The following DLG4 variants were observed in gnomAD, a reference collection of about 807,000 sequenced individuals.
The protein encoded by DLG4 is disks large homolog 4.
In DLG4, 7 loss-of-function variants were observed where a neutral mutation model predicts 93.8. The observed-to-expected ratio is 0.07, with a 90% CI of 0.04 to 0.14. The LOEUF is 0.14. Among genes scored for constraint, DLG4 ranks in the 10% least tolerant of loss-of-function variants. The pLI, the probability that DLG4 is intolerant of heterozygous loss-of-function variation, is 1.00. For missense variants in DLG4, 545 were observed against 992.9 expected, an observed-to-expected ratio of 0.55 and a Z score of 6.06; for synonymous variants, 341 against 387.6, an observed-to-expected ratio of 0.88 and a Z score of 1.41.
upstream of DLG4, chr17:7,217,751 G>A: frequency 6.5e-7 from 1 of 1,535,350 alleles, no homozygotes; most frequent in South Asian, 1.2e-5. Context: ...AGAAGCAGAA[G>A]CACAGAGGCC....
chr17:7,215,730 C>T (rs866289000), intron 1 of DLG4, among the ~76,000 whole-genome samples: 5 of 152,302 alleles, frequency 3.3e-5, no homozygotes, highest in South Asian at 2.1e-4. Context: ...CATCCTCACA[C>T]GTGCACAATG....
chr17:7,210,234 C>T (rs2142912660), intron 1 of DLG4, among the ~76,000 whole-genome samples: 1 of 152,240 alleles, frequency 6.6e-6, no homozygotes, highest in Admixed American at 6.5e-5. Flanking sequence ...TATAACACAA[C>T]TTTGGCTGTA....
chr17:7,218,214 G>T, upstream of DLG4: 17 of 1,599,318 alleles, frequency 1.1e-5, no homozygotes, highest in Non-Finnish European at 1.5e-5. Context: ...CCCTCAGGAA[G>T]TTAGGCGCTC....
intron 2 of DLG4, among the ~76,000 whole-genome samples, chr17:7,207,720 C>T (rs1041914382): frequency 6.6e-6 from 1 of 151,042 alleles, no homozygotes; most frequent in Non-Finnish European, 1.5e-5. Flanking sequence ...GGCACACAAA[C>T]GGCGCACGCA....
chr17:7,196,718 G>A lies in DLG4; in HGVS notation c.1083+39C>T, dbSNP rs1164975089. ...CAAGAGCTCTGCGCTCTGCCCTGTG[G>A]GGAGGGGGTGGTGCAGGTAGGGGCA... is the stretch of plus-strand genomic sequence containing the variant. On this transcript the variant is annotated intron_variant, in intron 9 of 19. Transcript: ENST00000399506. This position sits in a 1 kb window ranked among gnomAD's most constrained non-coding sequence, Gnocchi z 8.3. The A allele has an allele frequency of 6.3e-7, 1 of 1,584,544 alleles. No homozygotes were observed. Among genetic ancestry groups the A allele is most frequent in the Non-Finnish European group, 8.6e-7 (1 of 1,165,458 alleles).
intron 1 of DLG4, chr17:7,211,642 A>T: frequency 1.0e-6 from 1 of 980,100 alleles, no homozygotes. Flanking sequence ...GCCGGAGCCC[A>T]TACCGCGGCA....
In DLG4 at chr17:7,193,642, G is replaced by A; in HGVS notation, c.1591+25C>T. 1 of 1,536,134 alleles carries A rather than the reference G, an allele frequency of 6.5e-7. No homozygotes were observed. The highest frequency in any genetic ancestry group is 8.7e-7 in the Non-Finnish European group (1 of 1,143,374). ...GGGTTGGGGGAGCAGCAAGTGCTGG[G>A]GCCAAGGCAGGGGCCAGGGCTCACC... On this transcript the variant is annotated intron_variant, in intron 15 of 19. Transcript: ENST00000399506. This position sits in a 1 kb window ranked among gnomAD's most constrained non-coding sequence, Gnocchi z 6.7.
chr17:7,190,586 A>C lies in DLG4; in HGVS notation c.*122T>G. 1 of 734,940 alleles carries C rather than the reference A, an allele frequency of 1.4e-6. No homozygotes were observed. The highest frequency in any genetic ancestry group is 2.4e-6 in the Non-Finnish European group (1 of 418,252). 45.5% of individuals were successfully genotyped at this position (734,940 alleles called of 1,614,324 possible). A position where few individuals can be genotyped will look rare whatever the true frequency, so the allele number is the denominator to read the frequency against. ...TCCAACAGGCTGGATCCAGTTAGAA[A>C]GGAAATAAATAAGAAGGGGTGGGAG... On this transcript the variant is annotated 3_prime_UTR_variant, in exon 20 of 20. Coordinates refer to ENST00000399506, the MANE Select transcript of DLG4 (RefSeq NM_001321075.3).
chr17:7,192,244 A>C, intron 17 of DLG4: 1 of 418,782 alleles, frequency 2.4e-6, no homozygotes, highest in Non-Finnish European at 4.2e-6. Context: ...ACAGGACAGA[A>C]TGGAGGAAGG....
chr17:7,202,737 G>T, intron 8 of DLG4, 166 bp downstream of exon 8: 2 of 853,280 alleles, frequency 2.3e-6, no homozygotes, highest in South Asian at 4.2e-5. Flanking sequence ...GTTCTTTTAT[G>T]GTAATTGATT....
In DLG4 at chr17:7,195,902, G is replaced by A. The variant is rs1284429233; in HGVS notation, c.1301+318C>T. Among the ~76,000 whole-genome samples, 1 of 152,226 alleles carries A rather than the reference G, an allele frequency of 6.6e-6. No individual in the cohort carries two copies. Among genetic ancestry groups the A allele is most frequent in the Non-Finnish European group, 1.5e-5 (1 of 68,050 alleles). On this transcript the variant is annotated intron_variant, in intron 11 of 19. Coordinates refer to ENST00000399506, the MANE Select transcript of DLG4 (RefSeq NM_001321075.3). The surrounding 1 kb of genome is among the most constrained non-coding windows in gnomAD (Gnocchi z 4.3). ...CTGGGGCAACACTCCAAATACCCTA[G>A]AGGACCCTGCTTCACCAAGCATTAA...
Position 7,204,038 on chromosome 17 carries a change from C to G in DLG4, c.180G>C (p.Glu60Asp), listed in dbSNP as rs1451040768. ...YELQVNGTEG[E>D]MEYEEITLER... The stretch of plus-strand genomic sequence containing the variant: ...CCAATGTGATTTCCTCGTATTCCAT[C>G]TCCCCCTCGGTCCCGTTCACCTGCA... Residue 60 changes from glutamate to aspartate, a missense_variant, in exon 4 of 20, where the codon GAG (glutamate) becomes GAC (aspartate). Physicochemically the swap from Glu to Asp is conservative, Grantham distance 45 (BLOSUM62 2). Transcript: ENST00000399506. 1 of 1,610,746 alleles carries G rather than the reference C, an allele frequency of 6.2e-7. No individual in the cohort carries two copies. Among genetic ancestry groups the G allele is most frequent in the African/African-American group, 1.3e-5 (1 of 74,842 alleles).
upstream of DLG4, chr17:7,218,753 T>G (rs112144905): frequency 1.1e-5 from 18 of 1,591,660 alleles, no homozygotes; most frequent in Middle Eastern, 1.7e-4. Context: ...ACGGAAAGAT[T>G]TGGGGAGAAG....
At chr17:7,198,588 G>A (rs561241793) in intron 8 of DLG4, among the ~76,000 whole-genome samples, 16 of 151,660 alleles carry the variant, frequency 1.1e-4, no homozygotes, top group African/African-American at 3.1e-4. Context: ...AGTGGCTCAC[G>A]CCTGTAATCC....
chr17:7,191,260 G>T lies in DLG4; in HGVS notation c.2068+7C>A. ...ACATGCTGGCAACAGCCTTGCTGTG[G>T]CCTCACCTGAGAAGCACTCTGTGAA... is the stretch of plus-strand genomic sequence containing the variant. On this transcript the variant is annotated splice_region_variant and intron_variant, in intron 19 of 19. Coordinates refer to ENST00000399506, the MANE Select transcript of DLG4 (RefSeq NM_001321075.3). This position sits in a 1 kb window ranked among gnomAD's most constrained non-coding sequence, Gnocchi z 6.6. 3.7e-6 allele frequency: 6 copies of T among 1,613,644 alleles called. No individual in the cohort carries two copies. The highest frequency in any genetic ancestry group is 5.1e-6 in the Non-Finnish European group (6 of 1,179,688).
rs182602691 is a variant in DLG4, at chr17:7,204,867, G to A, written c.97-615C>T. The A allele has an allele frequency of 6.9e-4, 605 of 877,984 alleles. 5 individuals are homozygous for A. In the African/African-American group the frequency reaches 0.01, roughly 15 times the overall value. The allele number at this position is 877,984 out of a possible 1,614,324, so 54.4% of individuals were successfully genotyped here. On this transcript the variant is annotated intron_variant, in intron 2 of 19. Transcript: ENST00000399506. ...CCTCCCTCGGTCTCACCAACCAGCCGTCCAATCCACCCCTTCCTCTAAGGA... is the reference window on the plus strand; with the variant it reads ...CCTCCCTCGGTCTCACCAACCAGCCATCCAATCCACCCCTTCCTCTAAGGA...
chr17:7,206,817 C>G (rs1282967159), intron 2 of DLG4, among the ~76,000 whole-genome samples: 1 of 152,116 alleles, frequency 6.6e-6, no homozygotes, highest in African/African-American at 2.4e-5. Flanking sequence ...GCTCAGAGAC[C>G]TCCTCCCCAT....
intron 1 of DLG4, among the ~76,000 whole-genome samples, chr17:7,211,921 T>G (rs536586474): frequency 4.6e-5 from 7 of 150,668 alleles, no homozygotes; most frequent in South Asian, 4.2e-4. Context: ...ACTTCCCTGG[T>G]TCACGCTGTT....
At chr17:7,211,973 C>T (rs1335177132) in intron 1 of DLG4, among the ~76,000 whole-genome samples, 1 of 152,080 alleles carries the variant, frequency 6.6e-6, no homozygotes, top group African/African-American at 2.4e-5. Flanking sequence ...TCTATTCCGA[C>T]CCCTCTACAA....
Sources: gnomAD v4.1 joint callset for allele counts (sites outside exome capture counted in the v4.1 genomes callset) on GRCh38, gnomAD v4.1.1 for gene constraint, Gnocchi (gnomAD v3.1) non-coding constraint, MANE v1.5 for transcripts, NCBI Gene and HGNC (gene_info 2026-07-23, HGNC 2026-07-21) for gene names.